Variants in PDE3A observed in about 807,000 individuals in gnomAD.
The protein encoded by PDE3A is phosphodiesterase 3A, also known as cGMP-inhibited 3',5'-cyclic phosphodiesterase 3A.
In PDE3A, 43 loss-of-function variants were observed where a neutral mutation model predicts 98.3. That is an observed-to-expected ratio of 0.44 (90% confidence interval 0.34 to 0.56). The LOEUF (loss-of-function observed/expected upper bound fraction) is 0.56, where lower values mean the gene tolerates loss of function less well. Among genes scored for constraint, PDE3A ranks in the 20% least tolerant of loss-of-function variants. PDE3A has a pLI of 0.01. For synonymous variants in PDE3A, 663 were observed against 567.9 expected, an observed-to-expected ratio of 1.17 and a Z score of -2.38; for missense variants, 1,427 against 1,440.7, an observed-to-expected ratio of 0.99 and a Z score of 0.15.
chr12:20,626,037 ATG>A (rs1944254358), intron 5 of PDE3A, among the ~76,000 whole-genome samples: 1 of 152,092 alleles, frequency 6.6e-6, no homozygotes, highest in Admixed American at 6.5e-5. Flanking sequence ...GAGTGTGTAA[ATG>A]TGTGAGTGTG....
At position 20,471,245 on chromosome 12, in the gene PDE3A, G is replaced by A. The variant is rs114470780; in HGVS notation, c.961-85415G>A. On this transcript the variant is annotated intron_variant, in intron 1 of 15. Transcript: ENST00000359062. ...TTGTAACGTACTCTTAGGGTAGAGC[G>A]CAACCAAATTTTTAATTTGTCTACA... Among the ~76,000 whole-genome samples, 412 of 152,150 alleles carry A rather than the reference G, an allele frequency of 2.7e-3. 1 individual carries two copies. The highest frequency in any genetic ancestry group is 9.5e-3 in the African/African-American group (392 of 41,480).
At chr12:20,395,964 TAGCTCACTGTAAC>T (rs1311004258) in intron 1 of PDE3A, among the ~76,000 whole-genome samples, 4 of 152,050 alleles carry the variant, frequency 2.6e-5, no homozygotes, top group Non-Finnish European at 4.4e-5. Context: ...GGCATGATCA[TAGCTCACTGTAAC>T]CTTGAACACT....
chr12:20,515,522 T>C (rs1455003172), intron 1 of PDE3A, among the ~76,000 whole-genome samples: 3 of 152,024 alleles, frequency 2.0e-5, no homozygotes, highest in Non-Finnish European at 2.9e-5. Flanking sequence ...TAACCACAGA[T>C]TGGAAATGCT....
At chr12:20,497,778 T>C (rs1195306810) in intron 1 of PDE3A, among the ~76,000 whole-genome samples, 1 of 152,102 alleles carries the variant, frequency 6.6e-6, no homozygotes, top group African/African-American at 2.4e-5. Flanking sequence ...AGAGACTCAT[T>C]GATCAAATAG....
intron 7 of PDE3A, among the ~76,000 whole-genome samples, chr12:20,634,533 T>A (rs1395215565): frequency 6.6e-6 from 1 of 152,190 alleles, no homozygotes; most frequent in Non-Finnish European, 1.5e-5. Context: ...TCAACTCAGT[T>A]TCTCCCACCT....
chr12:20,548,106 T>C (rs2121242381), intron 1 of PDE3A, among the ~76,000 whole-genome samples: 1 of 152,284 alleles, frequency 6.6e-6, no homozygotes, highest in African/African-American at 2.4e-5. Flanking sequence ...TGACTTAGTG[T>C]CAAAGCAGTT....
At chr12:20,449,650 C>T (rs1453708907) in intron 1 of PDE3A, 6 of 421,194 alleles carry the variant, frequency 1.4e-5, no homozygotes, top group Non-Finnish European at 2.7e-5. Context: ...GTCTACAAGT[C>T]GCTTTTCCCC....
Position 20,552,739 on chromosome 12 carries a change from C to A in PDE3A, c.961-3921C>A. ...TGAGGTCCTGGCGTCACTCAAGGAC[C>A]GGCCGGCGAGCGGCAGCCCGTTCCA... On this transcript the variant is annotated intron_variant, in intron 1 of 15. Coordinates refer to ENST00000359062, the MANE Select transcript of PDE3A (RefSeq NM_000921.5). This position sits in a 1 kb window ranked among gnomAD's most constrained non-coding sequence, Gnocchi z 5.1. The A allele has an allele frequency of 6.2e-7, 1 of 1,614,036 alleles. No homozygotes were observed. Among genetic ancestry groups the A allele is most frequent in the Non-Finnish European group, 8.5e-7 (1 of 1,179,900 alleles).
rs1945757918 is a variant in PDE3A at position 20,680,707 on chromosome 12, G to A, written c.*436G>A. 1 of 154,898 alleles carries A rather than the reference G, an allele frequency of 6.5e-6. No individual in the cohort carries two copies. Among genetic ancestry groups the A allele is most frequent in the Non-Finnish European group, 1.4e-5 (1 of 69,774 alleles). 9.6% of individuals were successfully genotyped at this position (154,898 alleles called of 1,614,324 possible). ...GAAACCAAATCACAAAGGAGATGGT[G>A]TGGCTTAGCAAGGAAACAGTGCAGG... is the stretch of plus-strand genomic sequence containing the variant. On this transcript the variant is annotated 3_prime_UTR_variant, in exon 16 of 16. Coordinates refer to ENST00000359062, the MANE Select transcript of PDE3A (RefSeq NM_000921.5).
At chr12:20,578,223 T>A (rs1942980683) in intron 2 of PDE3A, among the ~76,000 whole-genome samples, 1 of 152,112 alleles carries the variant, frequency 6.6e-6, no homozygotes, top group South Asian at 2.1e-4. Flanking sequence ...TTATTTTCAA[T>A]TCAAGGACCG....
At position 20,369,210 on chromosome 12, in the gene PDE3A, T is replaced by TGC. The variant is rs59008318; in HGVS notation, c.-63_-62dup. ...GCGTGCGTGTGTGTGTGTGTGTGTG[T>TGC]GCGCGCGCGCGCGTGGGTCGGGGCG... On this transcript the variant is annotated 5_prime_UTR_variant, in exon 1 of 16. Transcript: ENST00000359062. The TGC allele has an allele frequency of 1.3e-4, 106 of 807,798 alleles. No individual in the cohort carries two copies. Among genetic ancestry groups the TGC allele is most frequent in the East Asian group, 4.1e-4 (12 of 29,620 alleles). The allele number at this position is 807,798 out of a possible 1,614,324, so 50.0% of individuals were successfully genotyped here.
intron 1 of PDE3A, among the ~76,000 whole-genome samples, chr12:20,484,239 T>C (rs1457389455): frequency 2.0e-5 from 3 of 152,226 alleles, no homozygotes; most frequent in Non-Finnish European, 4.4e-5. Context: ...GTAGTTACTA[T>C]AATTTCCTTG....
chr12:20,465,767 A>G (rs1023178936), intron 1 of PDE3A, among the ~76,000 whole-genome samples: 1 of 152,212 alleles, frequency 6.6e-6, no homozygotes, highest in Non-Finnish European at 1.5e-5. Flanking sequence ...TAGGAAATAT[A>G]AAAGTTGAAA....
chr12:20,426,177 G>T (rs1423350836), intron 1 of PDE3A, among the ~76,000 whole-genome samples: 1 of 152,084 alleles, frequency 6.6e-6, no homozygotes, highest in Non-Finnish European at 1.5e-5. Flanking sequence ...AACTATAGTG[G>T]ATTATCTCAC....
chr12:20,593,409 C>T (rs967762330), intron 2 of PDE3A, among the ~76,000 whole-genome samples: 6 of 152,008 alleles, frequency 3.9e-5, no homozygotes, highest in African/African-American at 1.4e-4. Flanking sequence ...CCTGAAGTGG[C>T]AGAGCAGCAT....
At chr12:20,408,904 A>G (rs1363986329) in intron 1 of PDE3A, among the ~76,000 whole-genome samples, 1 of 152,184 alleles carries the variant, frequency 6.6e-6, no homozygotes, top group East Asian at 1.9e-4. Context: ...TGATGGATCC[A>G]TTGAGAATGA....
At chr12:20,542,436 T>TACACAC (rs57427303) in intron 1 of PDE3A, among the ~76,000 whole-genome samples, 20 of 149,834 alleles carry the variant, frequency 1.3e-4, no homozygotes, top group African/African-American at 4.9e-4. Context: ...CGTAACAGCA[T>TACACAC]ACACACACAC....
chr12:20,554,920 C>G (rs539622990), intron 1 of PDE3A, among the ~76,000 whole-genome samples: 374 of 152,194 alleles, frequency 2.5e-3, no homozygotes, highest in Non-Finnish European at 4.5e-3. Context: ...TTATTTCATT[C>G]ATTTGCATTT....
intron 5 of PDE3A, 76 bp from the exon 6 acceptor site, chr12:20,629,832 C>A: frequency 1.8e-6 from 2 of 1,107,340 alleles, no homozygotes; most frequent in Non-Finnish European, 2.8e-6. Flanking sequence ...TTGTAAGAGT[C>A]CAGGTGAAGT....
Sources: allele counts gnomAD v4.1 joint callset (sites outside exome capture counted in the v4.1 genomes callset), GRCh38; gene constraint gnomAD v4.1.1; non-coding constraint Gnocchi (gnomAD v3.1); transcripts MANE v1.5; gene names NCBI Gene and HGNC (gene_info 2026-07-23, HGNC 2026-07-21).